PDZD2: variants seen among roughly 807,000 people sequenced by gnomAD.
PDZD2 encodes the protein PDZ domain-containing protein 2.
A neutral mutation model predicts 220.7 loss-of-function variants in PDZD2; 90 were observed. The observed-to-expected ratio is 0.41, with a 90% CI of 0.34 to 0.49. PDZD2 has a LOEUF of 0.49. Among genes scored for constraint, PDZD2 ranks in the 20% least tolerant of loss-of-function variants. The pLI is 0.28. For synonymous variants in PDZD2, 1,375 were observed against 1,450.5 expected (o/e 0.95, Z 1.18); for missense variants, 3,174 against 3,608.5 (o/e 0.88, Z 3.08).
At chr5:31,754,619 A>C (rs943592184) in intron 1 of PDZD2, 2 of 152,176 alleles carry the variant, frequency 1.3e-5, no homozygotes, top group African/African-American at 2.4e-5. Context: ...CAGCCAGTAG[A>C]GCATGCCTTT....
In PDZD2 at chr5:32,002,872, CCA is replaced by C. The variant is rs1321451957; in HGVS notation, c.1254+2611_1254+2612del. Among the ~76,000 whole-genome samples, 731 of 128,998 alleles carry C rather than the reference CCA, an allele frequency of 5.7e-3. 14 individuals are homozygous for C. Among genetic ancestry groups the C allele is most frequent in the African/African-American group, 0.02 (671 of 33,956 alleles). 84.6% of individuals were successfully genotyped at this position (128,998 alleles called of 152,430 possible). Reference sequence around the variant, plus strand: ...CACCAACACACACACACCCCACATACCACACACACACCACACACACCAACACA... The same window carrying C: ...CACCAACACACACACACCCCACATACCACACACACCACACACACCAACACA... On this transcript the variant is annotated intron_variant, in intron 5 of 24. Transcript: ENST00000438447.
intron 2 of PDZD2, among the ~76,000 whole-genome samples, chr5:31,906,949 G>A (rs1369073660): frequency 1.3e-5 from 2 of 152,198 alleles, no homozygotes; most frequent in Admixed American, 6.5e-5. Context: ...TTAGATTAAA[G>A]CTTATGTCTA....
At chr5:31,947,650 T>G (rs1746761644) in intron 2 of PDZD2, among the ~76,000 whole-genome samples, 1 of 152,088 alleles carries the variant, frequency 6.6e-6, no homozygotes, top group Non-Finnish European at 1.5e-5. Flanking sequence ...GCTTAAAAAT[T>G]TTTTAAAAAT....
chr5:32,086,790 C>CCTCAGCCT (rs1042979432), intron 19 of PDZD2, among the ~76,000 whole-genome samples: 1 of 151,662 alleles, frequency 6.6e-6, no homozygotes, highest in Non-Finnish European at 1.5e-5. Context: ...AATTCTCCTG[C>CCTCAGCCT]CTCAGCCTCC....
chr5:31,721,560 T>C (rs1158259463), intron 1 of PDZD2, among the ~76,000 whole-genome samples: 5 of 143,056 alleles, frequency 3.5e-5, no homozygotes, highest in African/African-American at 1.3e-4. Flanking sequence ...AGGAAACTAA[T>C]AAGGAAAGGA....
At chr5:32,041,542 C>T (rs13356320) in intron 7 of PDZD2, among the ~76,000 whole-genome samples, 6,730 of 152,126 alleles carry the variant, frequency 0.044, 484 homozygotes, top group African/African-American at 0.15. Flanking sequence ...ACCTTACCCC[C>T]AACCCCGTGC....
At chr5:31,809,698 G>T (rs1334207951) in intron 2 of PDZD2, among the ~76,000 whole-genome samples, 1 of 152,154 alleles carries the variant, frequency 6.6e-6, no homozygotes, top group African/African-American at 2.4e-5. Flanking sequence ...GGCAAACTTG[G>T]CCACACCCTC....
chr5:32,088,727 T>C lies in PDZD2; in HGVS notation c.5279T>C (p.Phe1760Ser). 6.2e-7 allele frequency: 1 copy of C among 1,614,152 alleles called. No individual in the cohort carries two copies. Among genetic ancestry groups the C allele is most frequent in the Non-Finnish European group, 8.5e-7 (1 of 1,180,016 alleles). ...AATGCAGCTGCCAGTCTGTCCTCCT[T>C]CAGTGTGGATGTCCCTAAGAATGGA... ...SINAAASLSS[F>S]SVDVPKNGES... The change falls in exon 20 of 25, where the codon TTC (phenylalanine) becomes TCC (serine). Residue 1760 changes from phenylalanine to serine, a missense_variant. Coordinates refer to ENST00000438447, the MANE Select transcript of PDZD2 (RefSeq NM_178140.4). The surrounding 1 kb of genome is among the most constrained non-coding windows in gnomAD (Gnocchi z 4.6).
At chr5:31,894,616 A>G (rs992221711) in intron 2 of PDZD2, among the ~76,000 whole-genome samples, 2 of 152,186 alleles carry the variant, frequency 1.3e-5, no homozygotes, top group Non-Finnish European at 2.9e-5. Context: ...CCCTGTCCGC[A>G]TGTACACTTA....
intron 5 of PDZD2, among the ~76,000 whole-genome samples, chr5:32,001,840 G>A (rs1752130635): frequency 6.6e-6 from 1 of 152,198 alleles, no homozygotes; most frequent in Non-Finnish European, 1.5e-5. Context: ...TGTCTTAGCT[G>A]TAGGCCGATG....
intron 1 of PDZD2, among the ~76,000 whole-genome samples, chr5:31,723,679 G>A (rs1179051582): frequency 5.9e-5 from 9 of 152,112 alleles, no homozygotes; most frequent in African/African-American, 1.4e-4. Flanking sequence ...GTGCAATGGC[G>A]CGATCTTGGC....
At chr5:31,879,930 T>A (rs913764813) in intron 2 of PDZD2, among the ~76,000 whole-genome samples, 2 of 149,426 alleles carry the variant, frequency 1.3e-5, no homozygotes, top group African/African-American at 4.9e-5. Context: ...TTTTTTTTTT[T>A]AACACGGATT....
At position 32,010,484 on chromosome 5, in the gene PDZD2, T is replaced by A; in HGVS notation, c.1407+2T>A. 6.2e-7 allele frequency: 1 copy of A among 1,605,254 alleles called. No homozygotes were observed. The highest frequency in any genetic ancestry group is 8.5e-7 in the Non-Finnish European group (1 of 1,172,934). ...ACCAGCTCTTCTGTCCAGAGAGCAG[T>A]AAGTGGCTCTGTGCTCCTGGCTTTC... On this transcript the variant is annotated splice_donor_variant, in intron 6 of 24. Transcript: ENST00000438447. LOFTEE classifies it high-confidence loss of function.
At chr5:31,771,217 G>GTGACTATT (rs1381335668) in intron 1 of PDZD2, among the ~76,000 whole-genome samples, 1 of 152,190 alleles carries the variant, frequency 6.6e-6, no homozygotes, top group African/African-American at 2.4e-5. Context: ...GGGACTGTCT[G>GTGACTATT]TGACTATTTT....
chr5:32,104,821 T>C (rs1429404076), intron 24 of PDZD2, among the ~76,000 whole-genome samples: 2 of 147,782 alleles, frequency 1.4e-5, no homozygotes, highest in African/African-American at 5.0e-5. Context: ...ATTTACAATA[T>C]ATTTAATAAA....
intron 19 of PDZD2, among the ~76,000 whole-genome samples, chr5:32,082,746 A>G (rs1210207927): frequency 1.3e-5 from 2 of 152,186 alleles, no homozygotes; most frequent in African/African-American, 2.4e-5. Context: ...ACCTACACAC[A>G]TGATTTTCCT....
At chr5:31,904,393 C>T (rs1208454226) in intron 2 of PDZD2, among the ~76,000 whole-genome samples, 1 of 152,018 alleles carries the variant, frequency 6.6e-6, no homozygotes, top group Admixed American at 6.5e-5. Flanking sequence ...TTCCCAGGGC[C>T]TTTTAAATGA....
chr5:31,784,173 C>T (rs925459484), intron 1 of PDZD2, among the ~76,000 whole-genome samples: 2 of 152,186 alleles, frequency 1.3e-5, no homozygotes, highest in African/African-American at 4.8e-5. Context: ...TGCAGGCATT[C>T]ACAGACACCA....
At chr5:32,026,553 G>A (rs913913374) in intron 6 of PDZD2, among the ~76,000 whole-genome samples, 2 of 151,896 alleles carry the variant, frequency 1.3e-5, no homozygotes, top group Non-Finnish European at 2.9e-5. Flanking sequence ...GCACGTGCAC[G>A]CACGCACACA....
Sources: gnomAD v4.1 joint callset for allele counts (sites outside exome capture counted in the v4.1 genomes callset) on GRCh38, gnomAD v4.1.1 for gene constraint, Gnocchi (gnomAD v3.1) non-coding constraint, MANE v1.5 for transcripts, NCBI Gene and HGNC (gene_info 2026-07-23, HGNC 2026-07-21) for gene names.